The following EXOC5 variants were observed in gnomAD, a reference collection of about 807,000 sequenced individuals.
EXOC5 encodes SEC10-like 1.
A neutral mutation model predicts 90.8 loss-of-function variants in EXOC5; 17 were observed. The observed-to-expected ratio is 0.19, with a 90% CI of 0.13 to 0.28. The LOEUF (loss-of-function observed/expected upper bound fraction) is 0.28, where lower values mean the gene tolerates loss of function less well. EXOC5 is among the 10% of genes least tolerant of loss of function. EXOC5 has a pLI of 1.00. For missense variants in EXOC5, 569 were observed against 830.6 expected, an observed-to-expected ratio of 0.69 and a Z score of 3.87; for synonymous variants, 260 against 270.0, an observed-to-expected ratio of 0.96 and a Z score of 0.36.
At chr14:57,235,915 A>G in intron 6 of EXOC5, 95 bp from the exon 7 acceptor site, 1 of 672,608 alleles carries the variant, frequency 1.5e-6, no homozygotes, top group South Asian at 1.8e-5. Context: ...GACTATGAAT[A>G]TAGCTTTCTT....
Position 57,208,513 on chromosome 14 carries a change from AG to A in EXOC5, c.*95del. ...TTCACAAAATGTTGGCTGTGTCATA[AG>A]GTATCTCCTGTGCTTTCTATCAACC... On this transcript the variant is annotated 3_prime_UTR_variant, in exon 18 of 18. Coordinates refer to ENST00000621441, the MANE Select transcript of EXOC5 (RefSeq NM_006544.4). The A allele has an allele frequency of 1.3e-6, 1 of 753,218 alleles. No homozygotes were observed. Among genetic ancestry groups the A allele is most frequent in the Admixed American group, 2.2e-5 (1 of 45,382 alleles). The allele number at this position is 753,218 out of a possible 1,614,324, so 46.7% of individuals were successfully genotyped here.
chr14:57,213,393 T>C (rs1194148145), intron 15 of EXOC5, among the ~76,000 whole-genome samples: 2 of 151,536 alleles, frequency 1.3e-5, no homozygotes, highest in Non-Finnish European at 2.9e-5. Flanking sequence ...AAACAAATTT[T>C]TTTTTATTTT....
intron 1 of EXOC5, among the ~76,000 whole-genome samples, chr14:57,252,980 G>C (rs1566504630): frequency 6.6e-6 from 1 of 152,110 alleles, no homozygotes; most frequent in Non-Finnish European, 1.5e-5. Flanking sequence ...CCCGTCATTT[G>C]CAAAAATATG....
At chr14:57,265,552 A>G (rs10147752) in intron 1 of EXOC5, among the ~76,000 whole-genome samples, 39,214 of 152,056 alleles carry the variant, frequency 0.26, 12,394 homozygotes, top group African/African-American at 0.76. Flanking sequence ...GTAAAACCTT[A>G]TTTCTGCAAA....
chr14:57,238,215 CATAT>C (rs774674398), intron 5 of EXOC5, among the ~76,000 whole-genome samples: 82 of 96,536 alleles, frequency 8.5e-4, no homozygotes, highest in African/African-American at 2.6e-3. Context: ...TTCAACTCCA[CATAT>C]ATATACACAC....
chr14:57,253,451 C>T (rs531887082), intron 1 of EXOC5, among the ~76,000 whole-genome samples: 2 of 152,240 alleles, frequency 1.3e-5, no homozygotes, highest in Admixed American at 6.5e-5. Flanking sequence ...ATTGTTACAA[C>T]GTCAATACTA....
chr14:57,256,800 C>G (rs931240189), intron 1 of EXOC5, among the ~76,000 whole-genome samples: 23 of 152,174 alleles, frequency 1.5e-4, no homozygotes, highest in African/African-American at 5.5e-4. Context: ...GTATAAGGGC[C>G]AGACCACTTT....
In EXOC5 at chr14:57,218,158, T is replaced by C. The variant is rs900650410; in HGVS notation, c.1527-90A>G. The C allele has an allele frequency of 7.1e-5, 44 of 620,770 alleles. No individual in the cohort carries two copies. The African/African-American group carries it at 7.7e-4, about 11-fold the overall frequency. 38.5% of individuals were successfully genotyped at this position (620,770 alleles called of 1,614,324 possible). A position where few individuals can be genotyped will look rare whatever the true frequency, so the allele number is the denominator to read the frequency against. On this transcript the variant is annotated intron_variant, in intron 14 of 17. Coordinates refer to ENST00000621441, the MANE Select transcript of EXOC5 (RefSeq NM_006544.4). ...ATACACCTATGTGTATTACATTATA[T>C]ACATTTATAAATATATCCATATATA...
intron 1 of EXOC5, among the ~76,000 whole-genome samples, chr14:57,264,647 C>A (rs368165414): frequency 6.6e-6 from 1 of 152,210 alleles, no homozygotes; most frequent in African/African-American, 2.4e-5. Context: ...CCAGGGCCTA[C>A]AACCCTCCCT....
At chr14:57,261,914 A>G (rs1282461844) in intron 1 of EXOC5, among the ~76,000 whole-genome samples, 1 of 152,206 alleles carries the variant, frequency 6.6e-6, no homozygotes, top group African/African-American at 2.4e-5. Flanking sequence ...ATAGGCCTGT[A>G]CAGATTCAAG....
At chr14:57,267,928 CTTTT>C (rs986264796) in intron 1 of EXOC5, among the ~76,000 whole-genome samples, 1 of 151,976 alleles carries the variant, frequency 6.6e-6, no homozygotes, top group Non-Finnish European at 1.5e-5. Flanking sequence ...ATTTTATAAA[CTTTT>C]TTTATTTTAT....
chr14:57,214,293 T>C (rs1882910455), intron 15 of EXOC5, among the ~76,000 whole-genome samples: 1 of 152,158 alleles, frequency 6.6e-6, no homozygotes, highest in South Asian at 2.1e-4. Context: ...CCCTTGTGGA[T>C]ACTCAAATAA....
At chr14:57,250,533 T>C (rs1357564177) in intron 1 of EXOC5, among the ~76,000 whole-genome samples, 1 of 152,156 alleles carries the variant, frequency 6.6e-6, no homozygotes, top group Non-Finnish European at 1.5e-5. Flanking sequence ...ACGGTGCTAG[T>C]TGGCACTGGC....
chr14:57,268,548 C>A (rs1884767317), intron 1 of EXOC5, 74 bp downstream of exon 1: 9 of 1,545,140 alleles, frequency 5.8e-6, no homozygotes, highest in Non-Finnish European at 7.8e-6. Context: ...AGCAAACGCC[C>A]GCTCCTCGGC....
At chr14:57,255,803 G>C (rs542321401) in intron 1 of EXOC5, among the ~76,000 whole-genome samples, 1 of 149,072 alleles carries the variant, frequency 6.7e-6, no homozygotes, top group Non-Finnish European at 1.5e-5. Flanking sequence ...CTGTACTCCA[G>C]CCTGGGCGAC....
intron 17 of EXOC5, 29 bp from the exon 18 acceptor site, chr14:57,208,826 T>C (rs752261728): frequency 5.5e-6 from 8 of 1,451,554 alleles, no homozygotes; most frequent in African/African-American, 1.4e-5. Context: ...AAAAGTAACA[T>C]TGAAACAAAA....
intron 15 of EXOC5, among the ~76,000 whole-genome samples, chr14:57,212,787 G>A (rs992483215): frequency 1.3e-5 from 2 of 152,102 alleles, no homozygotes. Context: ...GAACAGCCAC[G>A]ATTCCCTTCC....
chr14:57,229,685 A>T, intron 12 of EXOC5, 49 bp downstream of exon 12: 4 of 1,328,110 alleles, frequency 3.0e-6, no homozygotes, highest in Non-Finnish European at 4.0e-6. Flanking sequence ...TTCCCCACAG[A>T]TATCAAGGAA....
chr14:57,229,325 A>AACAAGG (rs978558386), intron 12 of EXOC5, among the ~76,000 whole-genome samples: 65 of 152,322 alleles, frequency 4.3e-4, no homozygotes, highest in African/African-American at 1.4e-3. Context: ...AAGACTTAAA[A>AACAAGG]TACAACTACA....
Sources: gnomAD v4.1 joint callset for allele counts (sites outside exome capture counted in the v4.1 genomes callset) on GRCh38, gnomAD v4.1.1 for gene constraint, MANE v1.5 for transcripts, NCBI Gene and HGNC (gene_info 2026-07-23, HGNC 2026-07-21) for gene names.